TRIM44: variants seen among roughly 807,000 people sequenced by gnomAD.
TRIM44 encodes tripartite motif-containing protein 44.
In TRIM44, 13 loss-of-function variants were observed where a neutral mutation model predicts 37.4. The observed-to-expected ratio is 0.35, with a 90% CI of 0.23 to 0.55. The LOEUF (loss-of-function observed/expected upper bound fraction) is 0.55, where lower values mean the gene tolerates loss of function less well. Ranked by LOEUF, TRIM44 falls within the 20% of genes least tolerant of loss-of-function variation. The probability of loss-of-function intolerance (pLI) is 0.89; values close to 1 mark genes in which losing one functional copy is unlikely to be tolerated. For missense variants in TRIM44, 426 were observed against 437.2 expected (o/e 0.97, Z 0.23); for synonymous variants, 175 against 157.2 (o/e 1.11, Z -0.85).
chr11:35,767,904 A>G (rs1852818300), intron 4 of TRIM44, among the ~76,000 whole-genome samples: 1 of 152,198 alleles, frequency 6.6e-6, no homozygotes, highest in African/African-American at 2.4e-5. Context: ...TAGGCCCCTG[A>G]TGGTCCTTGG....
At chr11:35,806,215 C>A in intron 4 of TRIM44, 143 bp from the exon 5 acceptor site, 1 of 805,688 alleles carries the variant, frequency 1.2e-6, no homozygotes, top group Non-Finnish European at 2.1e-6. Flanking sequence ...AAGTAACTTG[C>A]CTTTGGCCAT....
intron 2 of TRIM44, among the ~76,000 whole-genome samples, chr11:35,715,426 G>A: frequency 6.7e-6 from 1 of 149,578 alleles, no homozygotes; most frequent in African/African-American, 2.5e-5. Flanking sequence ...GTGTGTGTGT[G>A]TGTGGGTGTG....
intron 2 of TRIM44, among the ~76,000 whole-genome samples, chr11:35,723,043 CCCT>C (rs925154109): frequency 1.3e-4 from 19 of 151,748 alleles, no homozygotes; most frequent in African/African-American, 4.6e-4. Flanking sequence ...CTCTCTACCT[CCCT>C]CCCTCCCTCT....
intron 2 of TRIM44, among the ~76,000 whole-genome samples, chr11:35,706,911 A>G (rs1564965961): frequency 6.7e-6 from 1 of 149,964 alleles, no homozygotes; most frequent in African/African-American, 2.4e-5. Context: ...AGTTCTGGCC[A>G]GGGCAATTAG....
intron 1 of TRIM44, among the ~76,000 whole-genome samples, chr11:35,667,860 C>T (rs924574229): frequency 4.6e-5 from 7 of 152,018 alleles, no homozygotes; most frequent in Non-Finnish European, 1.0e-4. Flanking sequence ...TTGGATTTGG[C>T]TTATTAATAA....
At chr11:35,780,673 G>T (rs913834637) in intron 4 of TRIM44, among the ~76,000 whole-genome samples, 30 of 152,172 alleles carry the variant, frequency 2.0e-4, no homozygotes, top group African/African-American at 7.2e-4. Flanking sequence ...TAAGTGGCAA[G>T]ATCAGGACTC....
At chr11:35,800,808 A>C (rs1275926729) in intron 4 of TRIM44, among the ~76,000 whole-genome samples, 1 of 152,172 alleles carries the variant, frequency 6.6e-6, no homozygotes, top group Non-Finnish European at 1.5e-5. Context: ...GTTGGAGGGA[A>C]GCTTTCTTAG....
At position 35,793,932 on chromosome 11, in the gene TRIM44, GATTA is replaced by G. The variant is rs528319096; in HGVS notation, c.1008-12421_1008-12418del. Among the ~76,000 whole-genome samples the G allele has an allele frequency of 1.9e-3, 282 of 152,264 alleles. 2 individuals are homozygous for G. Among genetic ancestry groups the G allele is most frequent in the African/African-American group, 6.5e-3 (269 of 41,546 alleles). On this transcript the variant is annotated intron_variant, in intron 4 of 4. Transcript: ENST00000299413. Reference sequence around the variant, plus strand: ...AAAACTGTAAAGATTTGGATGAAGTGATTAATTAGTTCAGTGTCTAGCAAGTAAT... The same window carrying G: ...AAAACTGTAAAGATTTGGATGAAGTGATTAGTTCAGTGTCTAGCAAGTAAT...
chr11:35,781,689 A>G (rs1853067443), intron 4 of TRIM44, among the ~76,000 whole-genome samples: 2 of 152,244 alleles, frequency 1.3e-5, no homozygotes, highest in Non-Finnish European at 2.9e-5. Flanking sequence ...AAAACAAGGA[A>G]GGAAATAAAG....
chr11:35,697,253 C>T (rs1260777079), intron 2 of TRIM44, among the ~76,000 whole-genome samples: 1 of 141,196 alleles, frequency 7.1e-6, no homozygotes, highest in African/African-American at 2.6e-5. Flanking sequence ...GTGATGTTCC[C>T]CTTCCTGTGT....
At chr11:35,729,899 C>T (rs1852232059) in intron 3 of TRIM44, among the ~76,000 whole-genome samples, 1 of 152,154 alleles carries the variant, frequency 6.6e-6, no homozygotes, top group Non-Finnish European at 1.5e-5. Context: ...ATCGTTTGAA[C>T]CCAGGAGGTT....
At chr11:35,677,980 G>A (rs1272359034) in intron 1 of TRIM44, among the ~76,000 whole-genome samples, 1 of 152,140 alleles carries the variant, frequency 6.6e-6, no homozygotes, top group Non-Finnish European at 1.5e-5. Flanking sequence ...AAGCTCTAGG[G>A]ACATAGTGGT....
chr11:35,739,031 C>T (rs1487861973), intron 4 of TRIM44, among the ~76,000 whole-genome samples: 1 of 152,172 alleles, frequency 6.6e-6, no homozygotes, highest in African/African-American at 2.4e-5. Context: ...GAGTGTCTTG[C>T]CTTTTTTCCT....
At chr11:35,787,686 G>A (rs1853147990) in intron 4 of TRIM44, among the ~76,000 whole-genome samples, 1 of 152,216 alleles carries the variant, frequency 6.6e-6, no homozygotes, top group African/African-American at 2.4e-5. Context: ...CCTGTCTAGA[G>A]GAGGAAAAGC....
At chr11:35,799,561 A>G (rs1366602450) in intron 4 of TRIM44, among the ~76,000 whole-genome samples, 6 of 152,206 alleles carry the variant, frequency 3.9e-5, no homozygotes, top group Admixed American at 6.5e-5. Flanking sequence ...TTTGCCTCAG[A>G]AAACTTCAGA....
At chr11:35,699,301 C>T (rs185625732) in intron 2 of TRIM44, among the ~76,000 whole-genome samples, 99 of 152,098 alleles carry the variant, frequency 6.5e-4, no homozygotes, top group African/African-American at 2.0e-3. Flanking sequence ...GTTCAACATA[C>T]GCAAATCAAT....
intron 2 of TRIM44, among the ~76,000 whole-genome samples, chr11:35,714,223 A>G (rs938734127): frequency 1.3e-5 from 2 of 152,124 alleles, no homozygotes; most frequent in East Asian, 1.9e-4. Flanking sequence ...CACAGTTACT[A>G]TTATCTCTAA....
At chr11:35,749,318 C>T (rs1031309592) in intron 4 of TRIM44, among the ~76,000 whole-genome samples, 8 of 152,160 alleles carry the variant, frequency 5.3e-5, no homozygotes, top group African/African-American at 1.9e-4. Flanking sequence ...CTTTCAAAAT[C>T]TGTTATAGAA....
chr11:35,700,913 A>C (rs1438400525), intron 2 of TRIM44, among the ~76,000 whole-genome samples: 2 of 152,210 alleles, frequency 1.3e-5, no homozygotes, highest in African/African-American at 2.4e-5. Flanking sequence ...CGTATTCTTA[A>C]AGTCAATTAA....
Sources: allele counts gnomAD v4.1 joint callset (sites outside exome capture counted in the v4.1 genomes callset), GRCh38; gene constraint gnomAD v4.1.1; transcripts MANE v1.5; gene names NCBI Gene and HGNC (gene_info 2026-07-23, HGNC 2026-07-21).